The following S100Z variants were observed in gnomAD, a reference collection of about 807,000 sequenced individuals.
S100Z encodes S100 calcium binding protein Z.
S100Z carries 11 observed loss-of-function variants against 8.5 expected under a neutral mutation model. The ratio of observed to expected loss-of-function variants is 1.30; its 90% confidence interval spans 0.82 to 2.15. S100Z has a LOEUF of 2.15. S100Z is among the 30% of genes most tolerant of loss of function. The pLI, the probability that S100Z is intolerant of heterozygous loss-of-function variation, is 0.00. For synonymous variants in S100Z, 34 were observed against 43.8 expected (o/e 0.78, Z 0.89); for missense variants, 126 against 117.9 (o/e 1.07, Z -0.32).
the S100Z span, among the ~76,000 whole-genome samples, chr5:76,928,923 G>T: frequency 2.0e-5 from 3 of 152,166 alleles, no homozygotes; most frequent in African/African-American, 7.2e-5. Context: ...AACATTTTTC[G>T]TAGAGACAAG....
rs143073333 is a variant in S100Z, at chr5:76,851,267, C to T, written c.-176+1112C>T. On this transcript the variant is annotated intron_variant, in intron 1 of 4. Transcript: ENST00000317593. ...GCAGAGGGGATGGGTGGGCACACTG[C>T]GGGGAGTTTAGATTTAGCCAGGGGA... is the stretch of plus-strand genomic sequence containing the variant. 1.2e-3 allele frequency among the ~76,000 whole-genome samples: 186 copies of T among 152,176 alleles called. 1 individual carries two copies. The highest frequency in any genetic ancestry group is 2.6e-3 in the Admixed American group (39 of 15,286).
At chr5:76,925,686 G>A (rs1745126784), downstream of S100Z, among the ~76,000 whole-genome samples, 1 of 152,096 alleles carries the variant, frequency 6.6e-6, no homozygotes, top group South Asian at 2.1e-4. Flanking sequence ...CGTATGTAAA[G>A]CCAGGCGTGG....
intron 4 of S100Z, among the ~76,000 whole-genome samples, chr5:76,881,179 G>T (rs1743391290): frequency 6.6e-6 from 1 of 152,160 alleles, no homozygotes; most frequent in South Asian, 2.1e-4. Context: ...AAAACCTGGA[G>T]CCACTAAATA....
chr5:76,939,003 A>T, the S100Z span, among the ~76,000 whole-genome samples: 1 of 152,166 alleles, frequency 6.6e-6, no homozygotes, highest in Non-Finnish European at 1.5e-5. Flanking sequence ...GATAATTACA[A>T]ATGATATATT....
intron 4 of S100Z, among the ~76,000 whole-genome samples, chr5:76,904,834 T>G (rs556554890): frequency 1.1e-3 from 169 of 152,310 alleles, no homozygotes; most frequent in Middle Eastern, 0.01. Flanking sequence ...TGTGAGCCAC[T>G]GTACCCAGCC....
chr5:76,925,289 G>T (rs752427918), downstream of S100Z, among the ~76,000 whole-genome samples: 21 of 152,174 alleles, frequency 1.4e-4, no homozygotes, highest in Non-Finnish European at 2.4e-4. Flanking sequence ...TATGGGAGGG[G>T]AGTATGCGGG....
chr5:76,898,588 G>T (rs1379087044), intron 4 of S100Z, among the ~76,000 whole-genome samples: 1 of 152,084 alleles, frequency 6.6e-6, no homozygotes, highest in Non-Finnish European at 1.5e-5. Context: ...TCATTTTGTT[G>T]ACATGATGTA....
intron 4 of S100Z, among the ~76,000 whole-genome samples, chr5:76,914,677 A>G (rs966218659): frequency 1.3e-5 from 2 of 151,592 alleles, no homozygotes; most frequent in South Asian, 2.1e-4. Context: ...GGAAAAAGCA[A>G]CTCCAGACGT....
rs575533532 is a variant in S100Z at position 76,863,728 on chromosome 5, C to T, written c.-175-6438C>T. ...TAATTTTTTGTATTTTTAGTAGAGA[C>T]GGGGTTTCACCGTGTTAGCCAGGAT... On this transcript the variant is annotated intron_variant, in intron 1 of 4. Coordinates refer to ENST00000317593, the MANE Select transcript of S100Z (RefSeq NM_130772.4). Among the ~76,000 whole-genome samples the T allele has an allele frequency of 3.6e-3, 540 of 151,900 alleles. 3 individuals are homozygous for T. Among genetic ancestry groups the T allele is most frequent in the East Asian group, 0.018 (90 of 5,142 alleles).
chr5:76,881,164 G>A (rs933215891), intron 4 of S100Z, among the ~76,000 whole-genome samples: 2 of 152,202 alleles, frequency 1.3e-5, no homozygotes, highest in Non-Finnish European at 2.9e-5. Context: ...GTGGCAGTTT[G>A]AGGTAAAACC....
the S100Z span, among the ~76,000 whole-genome samples, chr5:76,942,445 C>CAAAAAAAAAAAAA: frequency 1.5e-3 from 111 of 72,490 alleles, no homozygotes; most frequent in Middle Eastern, 6.6e-3. Context: ...AAAAAAAAAG[C>CAAAAAAAAAAAAA]AAAAACCTCT....
chr5:76,859,506 G>A (rs1238192634), intron 1 of S100Z, among the ~76,000 whole-genome samples: 1 of 151,910 alleles, frequency 6.6e-6, no homozygotes, highest in Non-Finnish European at 1.5e-5. Flanking sequence ...CTCGGCCGGG[G>A]GCAGTGGCTC....
At chr5:76,893,975 C>T (rs143208466) in intron 4 of S100Z, among the ~76,000 whole-genome samples, 13 of 152,276 alleles carry the variant, frequency 8.5e-5, no homozygotes, top group African/African-American at 3.1e-4. Context: ...TCTAAATGGA[C>T]TTCCTCCTCA....
At chr5:76,907,193 C>G (rs1744486103) in intron 4 of S100Z, among the ~76,000 whole-genome samples, 1 of 151,664 alleles carries the variant, frequency 6.6e-6, no homozygotes, top group Non-Finnish European at 1.5e-5. Flanking sequence ...TTCTGAATAT[C>G]CATTGAGCAT....
At chr5:76,907,025 CATATATATAT>C (rs1186027835) in intron 4 of S100Z, among the ~76,000 whole-genome samples, 1,549 of 73,856 alleles carry the variant, frequency 0.021, 62 homozygotes, top group East Asian at 0.14. Flanking sequence ...TATATATATA[CATATATATAT>C]ACCAAATTTT....
At chr5:76,899,388 A>AT (rs545916640) in intron 4 of S100Z, among the ~76,000 whole-genome samples, 6,000 of 126,042 alleles carry the variant, frequency 0.048, 201 homozygotes, top group African/African-American at 0.11. Context: ...CCATTTTGCT[A>AT]TTTTTTTTTT....
the S100Z span, among the ~76,000 whole-genome samples, chr5:76,928,634 G>A: frequency 6.6e-6 from 1 of 152,210 alleles, no homozygotes; most frequent in Admixed American, 6.5e-5. Flanking sequence ...CTCAGGCTCA[G>A]TAAAAAACAG....
intron 4 of S100Z, among the ~76,000 whole-genome samples, chr5:76,883,182 G>T (rs1191441411): frequency 6.6e-6 from 1 of 152,032 alleles, no homozygotes; most frequent in African/African-American, 2.4e-5. Context: ...GATGGTAAGG[G>T]GTGCATCATT....
chr5:76,939,566 G>A, the S100Z span, among the ~76,000 whole-genome samples: 2 of 148,400 alleles, frequency 1.3e-5, no homozygotes, highest in African/African-American at 5.0e-5. Flanking sequence ...AGGTTGGAGT[G>A]CAATGGTGCG....
Sources: gnomAD v4.1 joint callset for allele counts (sites outside exome capture counted in the v4.1 genomes callset) on GRCh38, gnomAD v4.1.1 for gene constraint, MANE v1.5 for transcripts, NCBI Gene and HGNC (gene_info 2026-07-23, HGNC 2026-07-21) for gene names.